The following PDZD4 variants were observed in gnomAD, a reference collection of about 807,000 sequenced individuals.
The protein encoded by PDZD4 is PDZ domain containing 4.
PDZD4 carries 9 observed loss-of-function variants against 38.5 expected under a neutral mutation model. The ratio of observed to expected loss-of-function variants is 0.23; its 90% CI spans 0.14 to 0.41. PDZD4 has a LOEUF of 0.41. PDZD4 is among the 10% of genes least tolerant of loss of function. PDZD4 has a pLI of 1.00. For missense variants in PDZD4, 612 were observed against 722.0 expected (o/e 0.85, Z 1.75); for synonymous variants, 349 against 315.7 (o/e 1.11, Z -1.12).
intron 1 of PDZD4, among the ~76,000 whole-genome samples, chrX:153,818,457 A>T (rs1189619510): frequency 1.8e-5 from 2 of 111,600 alleles, no homozygotes; most frequent in African/African-American, 3.3e-5. Context: ...TAAAAATTTA[A>T]AAATAAATAA....
rs1249321970 is a variant in PDZD4, at chrX:153,830,453, T to G, written c.-155A>C. ...GGGGGAGGGGGGCACGCCCCCGAGG[T>G]GGGGGCAGCGGCTCGCCCCTCAGGT... On this transcript the variant is annotated 5_prime_UTR_variant, in exon 1 of 8. Transcript: ENST00000393758. 2.4e-6 allele frequency: 1 copy of G among 411,031 alleles called. No homozygotes were observed. Among genetic ancestry groups the G allele is most frequent in the Non-Finnish European group, 4.1e-6 (1 of 241,365 alleles). The allele number at this position is 411,031 out of a possible 1,213,427, so 33.9% of individuals were successfully genotyped here.
Position 153,808,563 on chromosome X carries a change from C to T in PDZD4, c.93G>A (p.Gln31=). 8.4e-7 allele frequency: 1 copy of T among 1,189,593 alleles called. No individual in the cohort carries two copies. Among genetic ancestry groups the T allele is most frequent in the East Asian group, 3.0e-5 (1 of 33,301 alleles). The change falls in exon 2 of 8, where the codon CAG becomes CAA. Residue 31 remains glutamine, a synonymous_variant. Coordinates refer to ENST00000393758, the MANE Select transcript of PDZD4 (RefSeq NM_001303512.2). ...AGCGCAGGGCCTGCAGAGTTTGCTC[C>T]TGAGACAGCTTGGAGAGCTCCTTCC... ...VNGKELSKLS[Q]EQTLQALRSS... is the part of the protein sequence containing the mutation.
At chrX:153,830,053 C>A in intron 1 of PDZD4, 186 bp downstream of exon 1, 1 of 580,041 alleles carries the variant, frequency 1.7e-6, no homozygotes, top group Non-Finnish European at 2.4e-6. Flanking sequence ...ACTTCCCACC[C>A]CACCCGTGGC....
intron 1 of PDZD4, among the ~76,000 whole-genome samples, chrX:153,823,825 C>T (rs1018734939): frequency 8.9e-5 from 10 of 112,721 alleles, no homozygotes; most frequent in Non-Finnish European, 1.9e-4. Flanking sequence ...AGCCAGTGGG[C>T]CATGCAGCGA....
chrX:153,809,022 C>T (rs1369284154), intron 1 of PDZD4, among the ~76,000 whole-genome samples: 1 of 112,845 alleles, frequency 8.9e-6, no homozygotes, highest in Non-Finnish European at 1.9e-5. Context: ...CCATAACAGC[C>T]AACACTCAGT....
At chrX:153,812,894 C>T (rs1557079065) in intron 1 of PDZD4, among the ~76,000 whole-genome samples, 4 of 108,314 alleles carry the variant, frequency 3.7e-5, no homozygotes, top group African/African-American at 1.4e-4. Context: ...GGATTGCCTA[C>T]TCGACCACTC....
chrX:153,813,128 C>T lies in PDZD4; in HGVS notation c.61-4533G>A, dbSNP rs145334604. ...ATATCTTTATGGTGTGGGATAGAGA[C>T]GAAATTCTCAATATTTCAAATGGGG... is the stretch of plus-strand genomic sequence containing the variant. On this transcript the variant is annotated intron_variant, in intron 1 of 7. Transcript: ENST00000393758. 2.8e-3 allele frequency among the ~76,000 whole-genome samples: 306 copies of T among 110,644 alleles called. 3 individuals carry two copies. Among genetic ancestry groups the T allele is most frequent in the East Asian group, 0.023 (83 of 3,548 alleles).
At chrX:153,819,138 G>A (rs781917679) in intron 1 of PDZD4, among the ~76,000 whole-genome samples, 12 of 112,812 alleles carry the variant, frequency 1.1e-4, no homozygotes, top group Non-Finnish European at 2.1e-4. Context: ...TGCGGCTGCG[G>A]GAGCAGGGCG....
chrX:153,807,416 A>G, intron 2 of PDZD4, 47 bp from the exon 3 acceptor site: 1 of 1,110,680 alleles, frequency 9.0e-7, no homozygotes, highest in Non-Finnish European at 1.2e-6. Flanking sequence ...ATCCTCTCAC[A>G]CCTCAGCCCC....
chrX:153,826,406 A>G (rs1289196769), intron 1 of PDZD4, among the ~76,000 whole-genome samples: 1 of 110,213 alleles, frequency 9.1e-6, no homozygotes, highest in African/African-American at 3.3e-5. Flanking sequence ...GGATCAATGT[A>G]TAAAAATCAA....
At position 153,804,118 on chromosome X, in the gene PDZD4, G is replaced by GGCGGGGGTGGCAACA. The variant is rs1341913682; in HGVS notation, c.1548_1562dup (p.Val517_Ala521dup). On this transcript the variant is annotated inframe_insertion, in exon 8 of 8. Transcript: ENST00000393758. Reference sequence around the variant, plus strand: ...GGCTCCCCGGTGGAGGAGCTGCCTTGGCGGGGGTGGCAACAGCGGGGCCGG... The same window carrying GGCGGGGGTGGCAACA: ...GGCTCCCCGGTGGAGGAGCTGCCTTGGCGGGGGTGGCAACAGCGGGGGTGGCAACAGCGGGGCCGG... The GGCGGGGGTGGCAACA allele has an allele frequency of 8.7e-7, 1 of 1,149,505 alleles. No homozygotes were observed. Among genetic ancestry groups the GGCGGGGGTGGCAACA allele is most frequent in the Non-Finnish European group, 1.2e-6 (1 of 868,128 alleles). The allele number at this position is 1,149,505 out of a possible 1,213,427, so 94.7% of individuals were successfully genotyped here.
In PDZD4 at chrX:153,803,708, T is replaced by G; in HGVS notation, c.1973A>C (p.Lys658Thr). ...RDRLLKARAL[K>T]IREERSGMTT... Reference sequence around the variant, plus strand: ...CATACCGCTGCGCTCCTCCCGGATCTTCAGGGCACGGGCTTTCAGCAGCCG... The same window carrying G: ...CATACCGCTGCGCTCCTCCCGGATCGTCAGGGCACGGGCTTTCAGCAGCCG... The change falls in exon 8 of 8, where the codon AAG becomes ACG. Residue 658 changes from lysine to threonine, a missense_variant. Lys to Thr is a moderately conservative substitution (Grantham distance 78). Transcript: ENST00000393758. The G allele has an allele frequency of 8.3e-7, 1 of 1,210,287 alleles. No individual in the cohort carries two copies. Among genetic ancestry groups the G allele is most frequent in the Non-Finnish European group, 1.1e-6 (1 of 895,539 alleles).
Position 153,807,876 on chromosome X carries a change from G to A in PDZD4, c.314+466C>T, listed in dbSNP as rs376185349. ...CTCCCCGCAGCCCGGGCTAAGATTA[G>A]CAGAATGAGGCAGCGCTCACGCGGT... On this transcript the variant is annotated intron_variant, in intron 2 of 7. Coordinates refer to ENST00000393758, the MANE Select transcript of PDZD4 (RefSeq NM_001303512.2). 118 of 979,002 alleles carry A rather than the reference G, an allele frequency of 1.2e-4. No homozygotes were observed. The African/African-American group carries it at 2.2e-3, about 19-fold the overall frequency. 80.7% of individuals were successfully genotyped at this position (979,002 alleles called of 1,213,427 possible).
chrX:153,804,106 A>T lies in PDZD4; in HGVS notation c.1575T>A (p.Pro525=), dbSNP rs2092196546. 1.2e-5 allele frequency: 14 copies of T among 1,151,513 alleles called. No individual in the cohort carries two copies. The African/African-American group carries it at 1.8e-4, about 15-fold the overall frequency. The allele number at this position is 1,151,513 out of a possible 1,213,427, so 94.9% of individuals were successfully genotyped here. A position where few individuals can be genotyped will look rare whatever the true frequency, so the allele number is the denominator to read the frequency against. Residue 525 remains proline (P), a synonymous_variant, in exon 8 of 8, where the codon CCT becomes CCA. Transcript: ENST00000393758. The stretch of plus-strand genomic sequence containing the variant: ...GGAACTTGGCGGGGCTCCCCGGTGG[A>T]GGAGCTGCCTTGGCGGGGGTGGCAA... The part of the protein sequence containing the change: ...PAVATPAKAA[P]PPGSPAKFRS...
Position 153,804,121 on chromosome X carries a change from G to A in PDZD4, c.1560C>T (p.Pro520=), listed in dbSNP as rs1557075841. Residue 520 remains proline, a synonymous_variant, in exon 8 of 8, where the codon CCC becomes CCT. Coordinates refer to ENST00000393758, the MANE Select transcript of PDZD4 (RefSeq NM_001303512.2). ...RTPPGPAVAT[P]AKAAPPPGSP... Reference sequence around the variant, plus strand: ...TCCCCGGTGGAGGAGCTGCCTTGGCGGGGGTGGCAACAGCGGGGCCGGGAG... The same window carrying A: ...TCCCCGGTGGAGGAGCTGCCTTGGCAGGGGTGGCAACAGCGGGGCCGGGAG... 3.5e-6 allele frequency: 4 copies of A among 1,151,089 alleles called. No homozygotes were observed. The highest frequency in any genetic ancestry group is 3.5e-6 in the Non-Finnish European group (3 of 868,583). The allele number at this position is 1,151,089 out of a possible 1,213,427, so 94.9% of individuals were successfully genotyped here.
chrX:153,829,779 C>A (rs1481918558), intron 1 of PDZD4: 2 of 755,355 alleles, frequency 2.6e-6, no homozygotes, highest in Admixed American at 8.6e-5. Flanking sequence ...CAGGGCCAGG[C>A]GGGAGTGGGT....
Position 153,830,390 on chromosome X carries a change from AG to A in PDZD4, c.-93del, listed in dbSNP as rs1947240443. 2 of 802,579 alleles carry A rather than the reference AG, an allele frequency of 2.5e-6. No homozygotes were observed. The highest frequency in any genetic ancestry group is 5.2e-5 in the Admixed American group (2 of 38,379). The allele number at this position is 802,579 out of a possible 1,213,427, so 66.1% of individuals were successfully genotyped here. ...GGACCTCGGGTCCCGGGCCGGGGCC[AG>A]GGGCCATACCCTGGCGCGGGGGGCG... On this transcript the variant is annotated 5_prime_UTR_variant, in exon 1 of 8. It removes the in-frame stop codon of an upstream open reading frame in the 5' UTR. Coordinates refer to ENST00000393758, the MANE Select transcript of PDZD4 (RefSeq NM_001303512.2).
intron 1 of PDZD4, among the ~76,000 whole-genome samples, chrX:153,823,925 AGAAG>A (rs2064453866): frequency 8.9e-6 from 1 of 112,509 alleles, no homozygotes; most frequent in African/African-American, 3.2e-5. Flanking sequence ...CCCCTGAAGT[AGAAG>A]GAAGGAAAGG....
At chrX:153,818,907 G>C (rs1603265718) in intron 1 of PDZD4, among the ~76,000 whole-genome samples, 1 of 111,781 alleles carries the variant, frequency 8.9e-6, no homozygotes, top group East Asian at 2.9e-4. Context: ...GACAGGGGAG[G>C]GGGCAACACC....
Sources: gnomAD v4.1 joint callset for allele counts (sites outside exome capture counted in the v4.1 genomes callset) on GRCh38, gnomAD v4.1.1 for gene constraint, MANE v1.5 for transcripts, NCBI Gene and HGNC (gene_info 2026-07-23, HGNC 2026-07-21) for gene names.